Variants in CACNG5 observed in about 807,000 individuals in gnomAD.
The protein encoded by CACNG5 is voltage-dependent calcium channel gamma-5 subunit.
Under a neutral mutation model 24.8 loss-of-function variants are expected in CACNG5, and 18 were observed. That is an observed-to-expected ratio of 0.73 (90% confidence interval 0.50 to 1.08). The LOEUF (loss-of-function observed/expected upper bound fraction) is 1.08, where lower values mean the gene tolerates loss of function less well. Ranked by LOEUF, CACNG5 falls within the 50% of genes least tolerant of loss-of-function variation. The pLI is 0.00. For missense variants in CACNG5, 349 were observed against 367.9 expected (o/e 0.95, Z 0.42); for synonymous variants, 157 against 149.1 (o/e 1.05, Z -0.39).
rs1320466705 is a variant in CACNG5 at position 66,889,472 on chromosome 17, C to T, written c.*4232C>T. On this transcript the variant is annotated 3_prime_UTR_variant, in exon 6 of 6. Coordinates refer to ENST00000533854, the MANE Select transcript of CACNG5 (RefSeq NM_145811.3). ...CTTAATGTTTGAGTAACTCTCCCTT[C>T]TCCCTAGATACAGGTGGTCTATCAG... 6.6e-6 allele frequency among the ~76,000 whole-genome samples: 1 copy of T among 152,208 alleles called. No individual in the cohort carries two copies. Among genetic ancestry groups the T allele is most frequent in the African/African-American group, 2.4e-5 (1 of 41,452 alleles).
chr17:66,869,038 GTTGT>G (rs1279497719), intron 1 of CACNG5, among the ~76,000 whole-genome samples: 2 of 152,066 alleles, frequency 1.3e-5, no homozygotes, highest in Non-Finnish European at 2.9e-5. Context: ...AATCTGCCTT[GTTGT>G]TTATCGCTCT....
At position 66,886,987 on chromosome 17, in the gene CACNG5, A is replaced by G. The variant is rs925964131; in HGVS notation, c.*1747A>G. ...CCTGGTGTCCAAGGACACCAGTCAGATTGGATTCGGGTCCATCCCCGATTA... is the reference window on the plus strand; with the variant it reads ...CCTGGTGTCCAAGGACACCAGTCAGGTTGGATTCGGGTCCATCCCCGATTA... On this transcript the variant is annotated 3_prime_UTR_variant, in exon 6 of 6. Coordinates refer to ENST00000533854, the MANE Select transcript of CACNG5 (RefSeq NM_145811.3). Among the ~76,000 whole-genome samples, 1 of 152,134 alleles carries G rather than the reference A, an allele frequency of 6.6e-6. No homozygotes were observed. The highest frequency in any genetic ancestry group is 1.5e-5 in the Non-Finnish European group (1 of 68,036).
intron 1 of CACNG5, among the ~76,000 whole-genome samples, chr17:66,838,957 A>ATTTTTTTTTT: frequency 1.6e-5 from 1 of 61,504 alleles, no homozygotes; most frequent in Non-Finnish European, 3.0e-5. Context: ...TCCCTCACCC[A>ATTTTTTTTTT]TTCTTTTTTT....
At chr17:66,862,892 C>CTCTCTCTCTGTGTGTGTGTGTGTG (rs567913804) in intron 1 of CACNG5, among the ~76,000 whole-genome samples, 1 of 142,172 alleles carries the variant, frequency 7.0e-6, no homozygotes, top group African/African-American at 2.7e-5. Flanking sequence ...AGCATATTCT[C>CTCTCTCTCTGTGTGTGTGTGTGTG]TGTGTGTGTG....
intron 1 of CACNG5, among the ~76,000 whole-genome samples, chr17:66,867,125 G>A (rs535946512): frequency 4.6e-5 from 7 of 152,226 alleles, no homozygotes; most frequent in Non-Finnish European, 8.8e-5. Flanking sequence ...AGCCTTGCCA[G>A]CATCTATTGT....
In CACNG5 at chr17:66,890,122, A is replaced by C. The variant is rs1977321556; in HGVS notation, c.*4882A>C. ...GGAAGTTAACCTGCCTTTGGAACAC[A>C]GCACTCTGCCTAGGGAGTAGGTGCA... On this transcript the variant is annotated 3_prime_UTR_variant, in exon 6 of 6. Transcript: ENST00000533854. 1.3e-5 allele frequency among the ~76,000 whole-genome samples: 2 copies of C among 152,214 alleles called. No individual in the cohort carries two copies. Among genetic ancestry groups the C allele is most frequent in the South Asian group, 4.1e-4 (2 of 4,830 alleles).
intron 1 of CACNG5, among the ~76,000 whole-genome samples, chr17:66,870,106 A>C (rs1976984298): frequency 6.6e-6 from 1 of 152,180 alleles, no homozygotes. Flanking sequence ...AAAAAGTGTA[A>C]AAGAAAGATA....
chr17:66,860,818 C>T (rs3859213), intron 1 of CACNG5, among the ~76,000 whole-genome samples: 34,488 of 151,832 alleles, frequency 0.23, 4,359 homozygotes, highest in South Asian at 0.42. Context: ...AACACAAATA[C>T]GTAAACTTTC....
chr17:66,838,538 T>C (rs1019179447), intron 1 of CACNG5, among the ~76,000 whole-genome samples: 18 of 151,912 alleles, frequency 1.2e-4, no homozygotes, highest in Non-Finnish European at 2.4e-4. Context: ...GGACTGGTCC[T>C]GGCTGGTGAA....
Position 66,892,872 on chromosome 17 carries a change from C to T in CACNG5, c.*7632C>T, listed in dbSNP as rs991050910. On this transcript the variant is annotated 3_prime_UTR_variant, in exon 6 of 6. Coordinates refer to ENST00000533854, the MANE Select transcript of CACNG5 (RefSeq NM_145811.3). The stretch of plus-strand genomic sequence containing the variant: ...GCATCCTACAAGGTCTGTTTACAGG[C>T]TTGGGATTCACCCAAGAATGGATTC... 6.6e-6 allele frequency among the ~76,000 whole-genome samples: 1 copy of T among 152,190 alleles called. No homozygotes were observed. Among genetic ancestry groups the T allele is most frequent in the African/African-American group, 2.4e-5 (1 of 41,446 alleles).
intron 1 of CACNG5, among the ~76,000 whole-genome samples, chr17:66,852,750 C>T (rs931628462): frequency 3.9e-5 from 6 of 152,074 alleles, no homozygotes; most frequent in Admixed American, 1.3e-4. Context: ...ATAGTTTTGG[C>T]TCTTCTACAA....
chr17:66,875,220 C>T lies in CACNG5; in HGVS notation c.-103-2010C>T, dbSNP rs142784087. ...GGGCTTATAGGCGCTTTACTAGATA[C>T]TCATGCTAGATACAAACTGTCCTGC... is the stretch of plus-strand genomic sequence containing the variant. On this transcript the variant is annotated intron_variant, in intron 1 of 5. Transcript: ENST00000533854. Among the ~76,000 whole-genome samples, 307 of 152,268 alleles carry T rather than the reference C, an allele frequency of 2.0e-3. 1 individual carries two copies. Among genetic ancestry groups the T allele is most frequent in the African/African-American group, 7.3e-3 (303 of 41,550 alleles).
At chr17:66,869,506 T>C (rs1205158902) in intron 1 of CACNG5, among the ~76,000 whole-genome samples, 1 of 152,174 alleles carries the variant, frequency 6.6e-6, no homozygotes, top group Non-Finnish European at 1.5e-5. Context: ...GTTTTACAGA[T>C]GAAGAGACTG....
chr17:66,849,653 G>T (rs978227246), intron 1 of CACNG5, among the ~76,000 whole-genome samples: 1 of 152,190 alleles, frequency 6.6e-6, no homozygotes, highest in African/African-American at 2.4e-5. Flanking sequence ...CCCTGGGCAG[G>T]ACACCCCTCT....
intron 4 of CACNG5, among the ~76,000 whole-genome samples, chr17:66,880,980 C>A (rs748733331): frequency 3.3e-5 from 5 of 152,226 alleles, no homozygotes; most frequent in Non-Finnish European, 4.4e-5. Context: ...CTCAAGCAAT[C>A]CAACTGCCCT....
At chr17:66,836,944 T>A (rs1254751140) in intron 1 of CACNG5, among the ~76,000 whole-genome samples, 1 of 152,208 alleles carries the variant, frequency 6.6e-6, no homozygotes, top group Non-Finnish European at 1.5e-5. Flanking sequence ...ATTGGCTGAA[T>A]TGTTCACGCT....
At chr17:66,837,489 T>A (rs1025737133) in intron 1 of CACNG5, among the ~76,000 whole-genome samples, 11 of 152,206 alleles carry the variant, frequency 7.2e-5, no homozygotes, top group African/African-American at 2.7e-4. Flanking sequence ...TCTGTCATCT[T>A]CTTCTGAGTT....
intron 1 of CACNG5, among the ~76,000 whole-genome samples, chr17:66,862,888 T>TTCTCTCTC (rs144007490): frequency 0.016 from 1,486 of 95,642 alleles, 23 homozygotes; most frequent in African/African-American, 0.026. Flanking sequence ...TGCCAGCATA[T>TTCTCTCTC]TCTCTGTGTG....
intron 1 of CACNG5, among the ~76,000 whole-genome samples, chr17:66,850,013 A>G (rs1253018801): frequency 6.6e-6 from 1 of 152,244 alleles, no homozygotes; most frequent in Non-Finnish European, 1.5e-5. Flanking sequence ...GGGTCCCGGT[A>G]CAACTGCCAG....
Sources: gnomAD v4.1 joint callset for allele counts (sites outside exome capture counted in the v4.1 genomes callset) on GRCh38, gnomAD v4.1.1 for gene constraint, MANE v1.5 for transcripts, NCBI Gene and HGNC (gene_info 2026-07-23, HGNC 2026-07-21) for gene names.